The following NCALD variants were observed in gnomAD, a reference collection of about 807,000 sequenced individuals.
NCALD encodes neurocalcin delta, also known as neurocalcin-delta.
In NCALD, 10 loss-of-function variants were observed where a neutral mutation model predicts 18.6. The observed-to-expected ratio is 0.54, with a 90% CI of 0.33 to 0.91. NCALD has a LOEUF of 0.91. Among genes scored for constraint, NCALD ranks in the 40% least tolerant of loss-of-function variants. The pLI is 0.03. For synonymous variants in NCALD, 88 were observed against 87.4 expected (o/e 1.01, Z -0.04); for missense variants, 184 against 247.6 (o/e 0.74, Z 1.72).
intron 1 of NCALD, among the ~76,000 whole-genome samples, chr8:101,778,449 A>C (rs1346589014): frequency 6.6e-6 from 1 of 152,208 alleles, no homozygotes; most frequent in African/African-American, 2.4e-5. Flanking sequence ...ACTAAAGGAA[A>C]TGGAGTTGGA....
At chr8:101,918,740 C>CA (rs1554663201) in intron 2 of NCALD, among the ~76,000 whole-genome samples, 1 of 140,754 alleles carries the variant, frequency 7.1e-6, no homozygotes, top group African/African-American at 2.5e-5. Flanking sequence ...TTTACAATAG[C>CA]CACACACACA....
chr8:101,953,743 T>A (rs1356667593), intron 2 of NCALD, among the ~76,000 whole-genome samples: 2 of 152,266 alleles, frequency 1.3e-5, no homozygotes. Context: ...GGCACAGCCA[T>A]CTCTGTCATA....
intron 4 of NCALD, among the ~76,000 whole-genome samples, chr8:101,856,501 T>A (rs1162565201): frequency 2.0e-5 from 3 of 152,110 alleles, no homozygotes; most frequent in Admixed American, 2.0e-4. Flanking sequence ...TGATCTTACA[T>A]GTTTCTACAT....
At chr8:101,804,700 T>A (rs200963188) in intron 4 of NCALD, among the ~76,000 whole-genome samples, 1 of 114,990 alleles carries the variant, frequency 8.7e-6, no homozygotes, top group Non-Finnish European at 1.9e-5. Flanking sequence ...TACCTAATTA[T>A]ATATAAATAA....
chr8:101,719,229 T>C (rs1816235092), intron 2 of NCALD, 23 bp downstream of exon 2: 1 of 1,600,024 alleles, frequency 6.2e-7, no homozygotes, highest in African/African-American at 1.3e-5. Flanking sequence ...CCCTTCTTTT[T>C]TTAAAGGGCT....
intron 1 of NCALD, among the ~76,000 whole-genome samples, chr8:102,074,844 G>T (rs1397464442): frequency 6.6e-6 from 1 of 152,152 alleles, no homozygotes; most frequent in Non-Finnish European, 1.5e-5. Context: ...TATCAATTAT[G>T]ATTCCATTCA....
chr8:101,889,295 A>C (rs1176597718), intron 3 of NCALD, among the ~76,000 whole-genome samples: 1 of 152,228 alleles, frequency 6.6e-6, no homozygotes, highest in East Asian at 1.9e-4. Flanking sequence ...CATGAGAAAA[A>C]GTAAATCCTA....
chr8:101,987,339 A>G (rs1421481841), intron 2 of NCALD, among the ~76,000 whole-genome samples: 1 of 152,146 alleles, frequency 6.6e-6, no homozygotes, highest in Non-Finnish European at 1.5e-5. Context: ...ATTGCCAGAC[A>G]TTTTCTTCTT....
At chr8:102,098,789 C>A (rs1024543623) in intron 1 of NCALD, among the ~76,000 whole-genome samples, 2 of 152,178 alleles carry the variant, frequency 1.3e-5, no homozygotes, top group Non-Finnish European at 2.9e-5. Flanking sequence ...CCAGCCACTC[C>A]TCAGTTTCTT....
intron 4 of NCALD, among the ~76,000 whole-genome samples, chr8:101,875,688 C>A (rs1816200872): frequency 6.6e-6 from 1 of 152,148 alleles, no homozygotes; most frequent in South Asian, 2.1e-4. Context: ...TAAGACGCAA[C>A]AAAGCAAAAG....
intron 4 of NCALD, among the ~76,000 whole-genome samples, chr8:101,804,857 T>C (rs180907509): frequency 2.0e-4 from 30 of 151,714 alleles, no homozygotes; most frequent in Non-Finnish European, 1.2e-4. Context: ...TTCACTTTAT[T>C]GCAGTGGGCT....
chr8:101,788,759 C>CA (rs1812335018), intron 1 of NCALD: 1 of 152,194 alleles, frequency 6.6e-6, no homozygotes, highest in South Asian at 2.1e-4. Flanking sequence ...AATAATGCAA[C>CA]AGCCAGGTTT....
intron 1 of NCALD, among the ~76,000 whole-genome samples, chr8:102,098,281 AG>A (rs1825168562): frequency 6.6e-6 from 1 of 152,034 alleles, no homozygotes; most frequent in African/African-American, 2.4e-5. Flanking sequence ...CAGAGGGTGG[AG>A]GGTGGGATGA....
In NCALD at chr8:101,871,901, C is replaced by G. The variant is rs1003867604; in HGVS notation, c.-20+15240G>C. 3 of 685,924 alleles carry G rather than the reference C, an allele frequency of 4.4e-6. No individual in the cohort carries two copies. In the Admixed American group the frequency reaches 5.7e-5, roughly 13 times the overall value. The allele number at this position is 685,924 out of a possible 1,614,324, so 42.5% of individuals were successfully genotyped here. ...TGCACTGAAGACAGCAATACACCTT[C>G]AATCGGCTTCTTAGGGTTTTCCTCC... On this transcript the variant is annotated intron_variant, in intron 4 of 6. Coordinates refer to the NCALD transcript ENST00000311028.
intron 4 of NCALD, among the ~76,000 whole-genome samples, chr8:101,826,741 C>T (rs1414875980): frequency 1.3e-5 from 2 of 152,208 alleles, no homozygotes; most frequent in African/African-American, 4.8e-5. Flanking sequence ...ATAGACTTCT[C>T]ATACCCTAAA....
chr8:102,103,492 G>C (rs1387861312), intron 1 of NCALD, among the ~76,000 whole-genome samples: 3 of 152,132 alleles, frequency 2.0e-5, no homozygotes, highest in African/African-American at 7.2e-5. Flanking sequence ...ACACCACCAG[G>C]ATTCAAACCC....
At chr8:102,106,705 G>A (rs970696784) in intron 1 of NCALD, among the ~76,000 whole-genome samples, 1 of 152,130 alleles carries the variant, frequency 6.6e-6, no homozygotes, top group Admixed American at 6.5e-5. Flanking sequence ...TTAAATTGCA[G>A]TCTATAGCTC....
At chr8:101,761,912 A>C (rs931414518) in intron 1 of NCALD, among the ~76,000 whole-genome samples, 10 of 152,226 alleles carry the variant, frequency 6.6e-5, no homozygotes, top group African/African-American at 2.4e-4. Context: ...CCTCGAATGT[A>C]CATGTGGGAG....
intron 1 of NCALD, among the ~76,000 whole-genome samples, chr8:101,764,469 A>G (rs1195224860): frequency 6.6e-6 from 1 of 152,192 alleles, no homozygotes; most frequent in East Asian, 1.9e-4. Flanking sequence ...TGACCTTGAC[A>G]AGAAAAATAA....
Sources: allele counts gnomAD v4.1 joint callset (sites outside exome capture counted in the v4.1 genomes callset), GRCh38; gene constraint gnomAD v4.1.1; transcripts MANE v1.5; gene names NCBI Gene and HGNC (gene_info 2026-07-23, HGNC 2026-07-21).